VIPR2: variants seen among roughly 807,000 people sequenced by gnomAD.
VIPR2 encodes the protein vasoactive intestinal polypeptide receptor 2.
VIPR2 carries 48 observed loss-of-function variants against 58.0 expected under a neutral mutation model. That is an observed-to-expected ratio of 0.83 (90% confidence interval 0.66 to 1.05). The LOEUF (loss-of-function observed/expected upper bound fraction) is 1.05, where lower values mean the gene tolerates loss of function less well. Ranked by LOEUF, VIPR2 falls within the 50% of genes least tolerant of loss-of-function variation. The pLI is 0.00. For synonymous variants in VIPR2, 243 were observed against 235.2 expected (o/e 1.03, Z -0.30); for missense variants, 534 against 558.0 (o/e 0.96, Z 0.43).
At chr7:159,063,812 T>TCCTGGTGGGGTCCGGGGGG (rs2129494265) in intron 4 of VIPR2, among the ~76,000 whole-genome samples, 1 of 73,434 alleles carries the variant, frequency 1.4e-5, no homozygotes, top group East Asian at 4.9e-4. Context: ...GGTCCGGGGG[T>TCCTGGTGGGGTCCGGGGGG]CCTGGTGGGG....
chr7:159,044,592 A>C (rs1017849022), intron 5 of VIPR2, among the ~76,000 whole-genome samples: 46 of 7,044 alleles, frequency 6.5e-3, no homozygotes, highest in African/African-American at 7.1e-3. Flanking sequence ...AAAGAGTGCA[A>C]AAAAAAAAAA....
At chr7:159,082,041 G>T (rs940082767) in intron 4 of VIPR2, among the ~76,000 whole-genome samples, 6 of 152,356 alleles carry the variant, frequency 3.9e-5, no homozygotes, top group Admixed American at 3.3e-4. Context: ...TTCAACCATT[G>T]TGGAAGTCGG....
intron 2 of VIPR2, among the ~76,000 whole-genome samples, chr7:159,121,537 C>A (rs976190663): frequency 6.6e-6 from 1 of 152,154 alleles, no homozygotes; most frequent in Non-Finnish European, 1.5e-5. Context: ...ACAGAAGTTA[C>A]GTATGATTTC....
chr7:159,041,229 G>A (rs1854308352), intron 6 of VIPR2, among the ~76,000 whole-genome samples: 1 of 152,236 alleles, frequency 6.6e-6, no homozygotes, highest in Non-Finnish European at 1.5e-5. Context: ...GGGAGGCCAG[G>A]CCCTCCCGGT....
intron 4 of VIPR2, among the ~76,000 whole-genome samples, chr7:159,102,567 G>A (rs116346039): frequency 0.013 from 1,962 of 152,300 alleles, 23 homozygotes; most frequent in Middle Eastern, 0.034. Context: ...ATAATTTGGC[G>A]GAGAAAGAAC....
rs1009852870 is a variant in VIPR2, at chr7:159,032,056, T to C, written c.983A>G (p.Lys328Arg). Residue 328 changes from lysine to arginine, a missense_variant, in exon 11 of 13, where the codon AAG becomes AGG. Lys to Arg is a conservative substitution (Grantham distance 26). Coordinates refer to ENST00000262178, the MANE Select transcript of VIPR2 (RefSeq NM_003382.5). ...NDQSQYKRLA[K>R]STLLLIPLFG... is the part of the protein sequence containing the mutation. Reference sequence around the variant, plus strand: ...CAGCGGGATAAGCAGGAGCGTGGACTTGGCCAGCCTCCTGCACAGAAGGAG... The same window carrying C: ...CAGCGGGATAAGCAGGAGCGTGGACCTGGCCAGCCTCCTGCACAGAAGGAG... 2.6e-5 allele frequency: 42 copies of C among 1,613,888 alleles called. No homozygotes were observed. The highest frequency in any genetic ancestry group is 3.3e-5 in the Non-Finnish European group (39 of 1,180,034).
intron 2 of VIPR2, 68 bp from the exon 3 acceptor site, chr7:159,109,987 AATGAG>A: frequency 1.3e-6 from 2 of 1,491,600 alleles, no homozygotes; most frequent in Non-Finnish European, 1.9e-6. Flanking sequence ...AAACCCCATT[AATGAG>A]ATAACTGCCT....
intron 2 of VIPR2, among the ~76,000 whole-genome samples, chr7:159,110,466 T>C (rs1795953673): frequency 6.6e-6 from 1 of 152,238 alleles, no homozygotes. Context: ...AATAACCACC[T>C]GGTGAAGGTT....
At chr7:159,143,816 C>T (rs1797573517) in intron 1 of VIPR2, among the ~76,000 whole-genome samples, 1 of 152,274 alleles carries the variant, frequency 6.6e-6, no homozygotes, top group Non-Finnish European at 1.5e-5. Context: ...CAGCATTAAC[C>T]GTGATAAAAC....
chr7:159,143,999 G>C (rs569764074), intron 1 of VIPR2, among the ~76,000 whole-genome samples: 2 of 152,344 alleles, frequency 1.3e-5, no homozygotes, highest in East Asian at 1.9e-4. Context: ...GCTGCGGAGG[G>C]GCCGCGGATC....
At chr7:159,044,584 A>G (rs1330113028) in intron 5 of VIPR2, among the ~76,000 whole-genome samples, 2 of 93,568 alleles carry the variant, frequency 2.1e-5, no homozygotes, top group Non-Finnish European at 4.6e-5. Flanking sequence ...ATATGCTTAA[A>G]GAGTGCAAAA....
chr7:159,143,481 G>A (rs964856099), intron 1 of VIPR2, among the ~76,000 whole-genome samples: 6 of 152,264 alleles, frequency 3.9e-5, no homozygotes, highest in African/African-American at 1.4e-4. Flanking sequence ...TATTGAAATG[G>A]TCAATGAGAG....
At chr7:159,032,480 G>A (rs190330520) in intron 10 of VIPR2, among the ~76,000 whole-genome samples, 4 of 152,314 alleles carry the variant, frequency 2.6e-5, no homozygotes, top group Admixed American at 2.6e-4. Context: ...AGGTTTAAAT[G>A]ATGAGAACCG....
intron 4 of VIPR2, among the ~76,000 whole-genome samples, chr7:159,091,198 G>A (rs892401847): frequency 4.6e-5 from 7 of 152,252 alleles, no homozygotes; most frequent in East Asian, 1.9e-4. Context: ...TGTGGTTTAC[G>A]GAACTGGAGC....
Position 159,031,608 on chromosome 7 carries a change from G to T in VIPR2, c.1143+220C>A. On this transcript the variant is annotated intron_variant, in intron 12 of 12. Coordinates refer to ENST00000262178, the MANE Select transcript of VIPR2 (RefSeq NM_003382.5). This position sits in a 1 kb window ranked among gnomAD's most constrained non-coding sequence, Gnocchi z 4.0. Reference sequence around the variant, plus strand: ...CGGACGGCAGTCGATGCTACTTAGGGTGGACGGAAGGACGGCGGGGTTTGG... The same window carrying T: ...CGGACGGCAGTCGATGCTACTTAGGTTGGACGGAAGGACGGCGGGGTTTGG... 1 of 985,454 alleles carries T rather than the reference G, an allele frequency of 1.0e-6. No homozygotes were observed. The highest frequency in any genetic ancestry group is 1.7e-5 in the African/African-American group (1 of 57,380). 61.0% of individuals were successfully genotyped at this position (985,454 alleles called of 1,614,324 possible). A position where few individuals can be genotyped will look rare whatever the true frequency, so the allele number is the denominator to read the frequency against.
intron 4 of VIPR2, among the ~76,000 whole-genome samples, chr7:159,091,086 T>C (rs535518643): frequency 5.1e-4 from 77 of 152,166 alleles, no homozygotes; most frequent in Non-Finnish European, 9.1e-4. Context: ...CACGCTGTGA[T>C]CACACACAGA....
At position 159,035,677 on chromosome 7, in the gene VIPR2, G is replaced by A. The variant is rs1050932378; in HGVS notation, c.809+275C>T. On this transcript the variant is annotated intron_variant, in intron 8 of 12. Transcript: ENST00000262178. ...TTCTGTGGACATCGCTGTGCCCACC[G>A]CAGGGGCTGCCCCAGTCTCTGCCTG... 3.5e-5 allele frequency: 34 copies of A among 984,612 alleles called. No individual in the cohort carries two copies. In the East Asian group the frequency reaches 6.8e-4, roughly 20 times the overall value. The allele number at this position is 984,612 out of a possible 1,614,324, so 61.0% of individuals were successfully genotyped here.
At chr7:159,082,215 CA>C (rs1856941298) in intron 4 of VIPR2, among the ~76,000 whole-genome samples, 1 of 152,118 alleles carries the variant, frequency 6.6e-6, no homozygotes, top group Admixed American at 6.5e-5. Context: ...GGAACTAACC[CA>C]AATGTCCAAC....
intron 1 of VIPR2, 172 bp downstream of exon 1, chr7:159,144,549 C>T: frequency 6.7e-7 from 1 of 1,485,756 alleles, no homozygotes; most frequent in Non-Finnish European, 9.0e-7. Flanking sequence ...CTCAGCGCTT[C>T]ACGCTCTCCG....
Sources: allele counts gnomAD v4.1 joint callset (sites outside exome capture counted in the v4.1 genomes callset), GRCh38; gene constraint gnomAD v4.1.1; non-coding constraint Gnocchi (gnomAD v3.1); transcripts MANE v1.5; gene names NCBI Gene and HGNC (gene_info 2026-07-23, HGNC 2026-07-21).